KCNN2: variants seen among roughly 807,000 people sequenced by gnomAD.
The protein encoded by KCNN2 is small conductance calcium-activated potassium channel protein 2.
In KCNN2, 24 loss-of-function variants were observed where a neutral mutation model predicts 55.5. The observed-to-expected ratio is 0.43, with a 90% confidence interval of 0.31 to 0.61. The LOEUF is 0.61. Ranked by LOEUF, KCNN2 falls within the 20% of genes least tolerant of loss-of-function variation. The pLI, the probability that KCNN2 is intolerant of heterozygous loss-of-function variation, is 0.08. For synonymous variants in KCNN2, 431 were observed against 336.1 expected (o/e 1.28, Z -3.09); for missense variants, 754 against 853.6 (o/e 0.88, Z 1.45).
intron 2 of KCNN2, among the ~76,000 whole-genome samples, chr5:114,241,078 C>G (rs1461362648): frequency 6.6e-6 from 1 of 151,112 alleles, no homozygotes; most frequent in East Asian, 1.9e-4. Context: ...TATCCTGATC[C>G]AAAGAAAAAT....
intron 5 of KCNN2, among the ~76,000 whole-genome samples, chr5:114,477,013 T>TCATTCA (rs1761997815): frequency 2.0e-5 from 3 of 152,226 alleles, no homozygotes; most frequent in Admixed American, 2.0e-4. Flanking sequence ...AATTCTAAAA[T>TCATTCA]GCTGAATGAT....
chr5:114,141,546 G>T (rs1752280728), intron 1 of KCNN2, among the ~76,000 whole-genome samples: 1 of 152,122 alleles, frequency 6.6e-6, no homozygotes, highest in Non-Finnish European at 1.5e-5. Flanking sequence ...GGACATTTGG[G>T]TTGGTTCCAA....
chr5:114,388,452 C>T (rs1014723712), intron 2 of KCNN2, among the ~76,000 whole-genome samples: 1 of 152,136 alleles, frequency 6.6e-6, no homozygotes, highest in Non-Finnish European at 1.5e-5. Context: ...ATTCTGATCT[C>T]CCTTCCTCCT....
chr5:114,221,637 G>T (rs1754141051), intron 2 of KCNN2, among the ~76,000 whole-genome samples: 1 of 152,102 alleles, frequency 6.6e-6, no homozygotes, highest in Non-Finnish European at 1.5e-5. Context: ...GAAAACAAAA[G>T]TTAGGTCAGC....
At chr5:114,202,180 G>A (rs1298027856) in intron 1 of KCNN2, among the ~76,000 whole-genome samples, 1 of 152,044 alleles carries the variant, frequency 6.6e-6, no homozygotes, top group Admixed American at 6.5e-5. Context: ...CTGCTCCAGG[G>A]TTGGATGCCT....
chr5:114,272,530 A>G (rs973278820), intron 2 of KCNN2, among the ~76,000 whole-genome samples: 3 of 152,106 alleles, frequency 2.0e-5, no homozygotes, highest in Non-Finnish European at 4.4e-5. Context: ...AAACTCACAC[A>G]ATTTGTATAG....
intron 2 of KCNN2, among the ~76,000 whole-genome samples, chr5:114,274,353 T>G (rs1398768706): frequency 1.3e-5 from 2 of 151,996 alleles, no homozygotes; most frequent in African/African-American, 4.8e-5. Context: ...TTTAAAGTAG[T>G]TTTTTCCAAT....
intron 2 of KCNN2, among the ~76,000 whole-genome samples, chr5:114,351,771 T>C (rs970606559): frequency 2.0e-5 from 3 of 151,296 alleles, no homozygotes; most frequent in Non-Finnish European, 3.0e-5. Flanking sequence ...TAATTAATTT[T>C]ATAACACTAA....
chr5:114,449,908 A>G (rs72801846), intron 3 of KCNN2, among the ~76,000 whole-genome samples: 21,221 of 66,078 alleles, frequency 0.32, 1,689 homozygotes, highest in Middle Eastern at 0.47. Flanking sequence ...ACACACACAC[A>G]CGCGCGCGCT....
intron 2 of KCNN2, among the ~76,000 whole-genome samples, chr5:114,290,109 G>A (rs779072891): frequency 7.2e-5 from 11 of 152,114 alleles, no homozygotes; most frequent in Non-Finnish European, 1.5e-4. Flanking sequence ...TGGTATTGGT[G>A]TGGCCTCATA....
At chr5:114,107,914 G>A (rs77257695) in intron 1 of KCNN2, among the ~76,000 whole-genome samples, 2,495 of 151,888 alleles carry the variant, frequency 0.016, 50 homozygotes, top group African/African-American at 0.056. Flanking sequence ...CGCGTTCTTG[G>A]TTGCATTACT....
intron 1 of KCNN2, among the ~76,000 whole-genome samples, chr5:114,093,434 A>C (rs910511409): frequency 6.6e-6 from 1 of 152,164 alleles, no homozygotes; most frequent in East Asian, 1.9e-4. Flanking sequence ...CCTGTTATCC[A>C]GTTCCAAAGT....
intron 2 of KCNN2, among the ~76,000 whole-genome samples, chr5:114,343,688 GCATGGTGTGGGGGGAACAA>G (rs541145148): frequency 2.5e-4 from 38 of 152,006 alleles, no homozygotes; most frequent in Admixed American, 4.6e-4. Flanking sequence ...GGACAAAGAT[GCATGGTGTGGGGGGAACAA>G]CATGGTGTGG....
At chr5:114,475,848 G>C (rs1761940619) in intron 5 of KCNN2, among the ~76,000 whole-genome samples, 1 of 151,968 alleles carries the variant, frequency 6.6e-6, no homozygotes. Flanking sequence ...AACTGACAAA[G>C]TTTTCTGATG....
chr5:114,220,775 G>C (rs1754120446), intron 1 of KCNN2, among the ~76,000 whole-genome samples: 1 of 147,254 alleles, frequency 6.8e-6, no homozygotes, highest in Non-Finnish European at 1.5e-5. Context: ...GCAGTCAGCT[G>C]AGATCGTGCC....
At chr5:114,168,856 T>A (rs896840439) in intron 1 of KCNN2, among the ~76,000 whole-genome samples, 8 of 152,126 alleles carry the variant, frequency 5.3e-5, no homozygotes, top group Non-Finnish European at 1.0e-4. Context: ...AGGAAGGTGT[T>A]TCTCTATGTA....
rs551567548 is a variant in KCNN2, at chr5:114,314,658, G to C, written c.-184-46287G>C. 2.6e-5 allele frequency among the ~76,000 whole-genome samples: 4 copies of C among 151,980 alleles called. No individual in the cohort carries two copies. In the South Asian group the frequency reaches 6.2e-4, roughly 24 times the overall value. On this transcript the variant is annotated intron_variant, in intron 2 of 10. Transcript: ENST00000512097. Reference sequence around the variant, plus strand: ...GAACTAGCAGAAGATTTTCTTTTCAGAAAGAATATAAATTTTACCACCAAA... The same window carrying C: ...GAACTAGCAGAAGATTTTCTTTTCACAAAGAATATAAATTTTACCACCAAA...
At chr5:114,427,983 G>A (rs973325424) in intron 3 of KCNN2, among the ~76,000 whole-genome samples, 4 of 152,138 alleles carry the variant, frequency 2.6e-5, no homozygotes, top group African/African-American at 9.7e-5. Flanking sequence ...TTGCTCCTAG[G>A]AAAGGGCGTT....
chr5:114,110,537 G>C (rs777971862), intron 1 of KCNN2, among the ~76,000 whole-genome samples: 8 of 151,966 alleles, frequency 5.3e-5, no homozygotes, highest in Non-Finnish European at 1.2e-4. Flanking sequence ...TGATTGTCAG[G>C]GTACTCCTCT....
Sources: gnomAD v4.1 joint callset for allele counts (sites outside exome capture counted in the v4.1 genomes callset) on GRCh38, gnomAD v4.1.1 for gene constraint, MANE v1.5 for transcripts, NCBI Gene and HGNC (gene_info 2026-07-23, HGNC 2026-07-21) for gene names.